Variants in IFIH1 observed in about 807,000 individuals in gnomAD.
The protein encoded by IFIH1 is interferon-induced helicase C domain-containing protein 1.
A neutral mutation model predicts 107.4 loss-of-function variants in IFIH1; 125 were observed. The observed-to-expected ratio is 1.16, with a 90% CI of 1.01 to 1.35. IFIH1 has a LOEUF of 1.35. IFIH1 is among the 40% of genes most tolerant of loss of function. The pLI, the probability that IFIH1 is intolerant of heterozygous loss-of-function variation, is 0.00. For missense variants in IFIH1, 1,333 were observed against 1,213.7 expected, an observed-to-expected ratio of 1.10 and a Z score of -1.46; for synonymous variants, 458 against 413.2, an observed-to-expected ratio of 1.11 and a Z score of -1.31.
At chr2:162,314,787 CTACAG>C (rs968243432) in intron 1 of IFIH1, among the ~76,000 whole-genome samples, 3 of 152,028 alleles carry the variant, frequency 2.0e-5, no homozygotes, top group Admixed American at 2.0e-4. Context: ...CATGACTGGC[CTACAG>C]TAGACATTCT....
chr2:162,317,863 T>C lies in IFIH1; in HGVS notation c.445A>G (p.Arg149Gly), dbSNP rs74162074. The C allele has an allele frequency of 1.9e-4, 293 of 1,573,438 alleles. No homozygotes were observed. The highest frequency in any genetic ancestry group is 3.8e-4 in the African/African-American group (28 of 73,648). The change falls in exon 1 of 16, where the codon AGA (arginine) becomes GGA (glycine). Residue 149 changes from arginine to glycine, a missense_variant. Transcript: ENST00000649979. ...MEEELLTIED[R>G]NRIAAAENNG... ...TCTGAACAGACACCTACCCGGTTTC[T>C]GTCTTCAATTGTCAACAGTTCCTCC...
intron 5 of IFIH1, 47 bp from the exon 6 acceptor site, chr2:162,282,623 G>T: frequency 7.6e-7 from 1 of 1,308,616 alleles, no homozygotes; most frequent in Non-Finnish European, 1.1e-6. Context: ...GTTAGTCGAA[G>T]CCAAAAGAGT....
At chr2:162,317,729 C>CTTT in intron 1 of IFIH1, 126 bp downstream of exon 1, 1 of 734,204 alleles carries the variant, frequency 1.4e-6, no homozygotes, top group East Asian at 2.5e-5. Flanking sequence ...TAGATGTTGT[C>CTTT]TTCTCAAAGG....
intron 1 of IFIH1, among the ~76,000 whole-genome samples, chr2:162,313,585 A>G (rs1683419688): frequency 6.6e-6 from 1 of 152,220 alleles, no homozygotes; most frequent in Non-Finnish European, 1.5e-5. Context: ...TACCAACACA[A>G]TTGTACAGTT....
intron 1 of IFIH1, among the ~76,000 whole-genome samples, chr2:162,315,504 G>A (rs1683476368): frequency 6.6e-6 from 1 of 152,138 alleles, no homozygotes; most frequent in Non-Finnish European, 1.5e-5. Context: ...GGTTACAAAA[G>A]TCAACACCAT....
chr2:162,301,192 G>C (rs1424910174), intron 3 of IFIH1, among the ~76,000 whole-genome samples: 1 of 152,148 alleles, frequency 6.6e-6, no homozygotes, highest in Non-Finnish European at 1.5e-5. Context: ...AAGCAGGTTG[G>C]TAAGCTCATT....
At chr2:162,292,739 T>C (rs1345572880) in intron 4 of IFIH1, among the ~76,000 whole-genome samples, 1 of 151,856 alleles carries the variant, frequency 6.6e-6, no homozygotes, top group Non-Finnish European at 1.5e-5. Context: ...CATTTTATTT[T>C]TGTTTGTGAT....
chr2:162,273,965 A>G (rs918768937), intron 11 of IFIH1, 21 bp from the exon 12 acceptor site: 2 of 1,532,064 alleles, frequency 1.3e-6, no homozygotes, highest in East Asian at 2.3e-5. Context: ...ATTTTAATAA[A>G]TTAAATTTTG....
At chr2:162,291,713 A>T (rs1683000054) in intron 4 of IFIH1, among the ~76,000 whole-genome samples, 1 of 151,810 alleles carries the variant, frequency 6.6e-6, no homozygotes, top group South Asian at 2.1e-4. Context: ...ACAATTGCAA[A>T]TTCTATAATA....
rs1444648085 is a variant in IFIH1 at position 162,306,593 on chromosome 2, T to C, written c.769+116A>G. 9.7e-6 allele frequency: 6 copies of C among 621,640 alleles called. No homozygotes were observed. In the African/African-American group the frequency reaches 1.1e-4, roughly 11 times the overall value. The allele number at this position is 621,640 out of a possible 1,614,324, so 38.5% of individuals were successfully genotyped here. ...CTCCTCTAAAAATATTATTTTAATA[T>C]AAATGTTTACTAACCTTAATGCCCA... On this transcript the variant is annotated intron_variant, in intron 3 of 15. Coordinates refer to ENST00000649979, the MANE Select transcript of IFIH1 (RefSeq NM_022168.4).
Position 162,282,900 on chromosome 2 carries a change from C to A in IFIH1, c.1096-324G>T, listed in dbSNP as rs1196059515. Among the ~76,000 whole-genome samples the A allele has an allele frequency of 4.0e-5, 6 of 150,798 alleles. No individual in the cohort carries two copies. In the Admixed American group the frequency reaches 4.0e-4, roughly 10 times the overall value. On this transcript the variant is annotated intron_variant, in intron 5 of 15. Coordinates refer to ENST00000649979, the MANE Select transcript of IFIH1 (RefSeq NM_022168.4). The stretch of plus-strand genomic sequence containing the variant: ...TTACAACACAATGTAATAATGCTCA[C>A]CTAGAAACACACACAAAGTGACAGT...
At chr2:162,296,105 C>A (rs1683080607) in intron 3 of IFIH1, among the ~76,000 whole-genome samples, 1 of 151,940 alleles carries the variant, frequency 6.6e-6, no homozygotes, top group Non-Finnish European at 1.5e-5. Context: ...TATTTGATTT[C>A]CACTTCATTT....
chr2:162,291,996 T>G (rs1437208407), intron 4 of IFIH1, among the ~76,000 whole-genome samples: 1 of 151,888 alleles, frequency 6.6e-6, no homozygotes, highest in Non-Finnish European at 1.5e-5. Flanking sequence ...TAGATTGCGT[T>G]CAGACTTATC....
chr2:162,313,269 T>C (rs1037908898), intron 1 of IFIH1, among the ~76,000 whole-genome samples: 1 of 152,162 alleles, frequency 6.6e-6, no homozygotes, highest in African/African-American at 2.4e-5. Flanking sequence ...TTGATCCCAA[T>C]ATGTAAACAC....
intron 3 of IFIH1, among the ~76,000 whole-genome samples, chr2:162,304,386 T>C: frequency 6.6e-6 from 1 of 152,062 alleles, no homozygotes; most frequent in Admixed American, 6.6e-5. Context: ...CACTTGCGCC[T>C]GGGAGGTCAA....
chr2:162,281,472 A>T lies in IFIH1; in HGVS notation c.1380T>A (p.His460Gln), dbSNP rs768587118. The T allele has an allele frequency of 6.2e-6, 10 of 1,612,100 alleles. No individual in the cohort carries two copies. The African/African-American group carries it at 1.3e-4, about 22-fold the overall frequency. ...KEAVYNNIMR[H>Q]YLMQKLKNNR... The stretch of plus-strand genomic sequence containing the variant: ...TGTTTTTCAACTTCTGCATCAAATA[A>T]TGCCTCATGATGTTATTATACACTG... The change falls in exon 7 of 16, where the codon CAT (histidine) becomes CAA (glutamine). Residue 460 changes from histidine (H) to glutamine (Q), a missense_variant. Physicochemically the swap from His to Gln is conservative, Grantham distance 24. Coordinates refer to ENST00000649979, the MANE Select transcript of IFIH1 (RefSeq NM_022168.4).
At chr2:162,271,111 C>A (rs932147492) in intron 13 of IFIH1, among the ~76,000 whole-genome samples, 7 of 152,154 alleles carry the variant, frequency 4.6e-5, no homozygotes, top group Admixed American at 6.5e-5. Context: ...TCTTTCTTCA[C>A]TGCATTCCTT....
Position 162,277,573 on chromosome 2 carries a change from A to G in IFIH1, c.1886T>C (p.Phe629Ser), listed in dbSNP as rs200980825. ...CTTCTTATCTTTCTCTTCATTATAG[A>G]AAGTTTCAAGATGAGTATACGCATC... ...MIDAYTHLET[F>S]YNEEKDKKFA... The change falls in exon 10 of 16, where the codon TTC becomes TCC. Residue 629 changes from phenylalanine (F) to serine (S), a missense_variant. Phe to Ser is a radical substitution (Grantham distance 155, BLOSUM62 -2). Transcript: ENST00000649979. The G allele has an allele frequency of 3.4e-5, 55 of 1,610,860 alleles. No individual in the cohort carries two copies. Among genetic ancestry groups the G allele is most frequent in the Non-Finnish European group, 3.8e-5 (45 of 1,177,334 alleles).
intron 11 of IFIH1, among the ~76,000 whole-genome samples, chr2:162,275,909 A>G (rs1691143799): frequency 6.6e-6 from 1 of 152,150 alleles, no homozygotes; most frequent in Admixed American, 6.6e-5. Context: ...CCAGAATCCC[A>G]AATCTCTAAT....
Sources: gnomAD v4.1 joint callset for allele counts (sites outside exome capture counted in the v4.1 genomes callset) on GRCh38, gnomAD v4.1.1 for gene constraint, MANE v1.5 for transcripts, NCBI Gene and HGNC (gene_info 2026-07-23, HGNC 2026-07-21) for gene names.